PDE3A: variants seen among roughly 807,000 people sequenced by gnomAD.
The protein encoded by PDE3A is cGMP-inhibited 3',5'-cyclic phosphodiesterase 3A.
PDE3A carries 43 observed loss-of-function variants against 98.3 expected under a neutral mutation model. The observed-to-expected ratio is 0.44, with a 90% CI of 0.34 to 0.56. The LOEUF is 0.56. PDE3A is among the 20% of genes least tolerant of loss of function. PDE3A has a pLI of 0.01. For synonymous variants in PDE3A, 663 were observed against 567.9 expected, an observed-to-expected ratio of 1.17 and a Z score of -2.38; for missense variants, 1,427 against 1,440.7, an observed-to-expected ratio of 0.99 and a Z score of 0.15.
intron 1 of PDE3A, among the ~76,000 whole-genome samples, chr12:20,505,056 A>C (rs574169377): frequency 1.3e-5 from 2 of 152,214 alleles, no homozygotes; most frequent in Admixed American, 1.3e-4. Context: ...AGCAAATACA[A>C]GTGCTTAGGC....
chr12:20,448,405 C>T (rs561082645), intron 1 of PDE3A, among the ~76,000 whole-genome samples: 35 of 152,252 alleles, frequency 2.3e-4, no homozygotes, highest in Admixed American at 9.2e-4. Flanking sequence ...CGCGTCAATG[C>T]ACAACAGCCT....
chr12:20,620,757 A>G (rs1048386373), intron 4 of PDE3A, among the ~76,000 whole-genome samples: 2 of 151,936 alleles, frequency 1.3e-5, no homozygotes, highest in African/African-American at 4.8e-5. Context: ...GTCCCTTTTT[A>G]CAAATTCCCT....
intron 15 of PDE3A, among the ~76,000 whole-genome samples, chr12:20,656,977 G>T (rs1248113465): frequency 6.6e-6 from 1 of 152,198 alleles, no homozygotes; most frequent in Non-Finnish European, 1.5e-5. Context: ...GTTCACTAAA[G>T]CAGGAATGAG....
intron 1 of PDE3A, among the ~76,000 whole-genome samples, chr12:20,494,519 G>A (rs779190072): frequency 2.6e-5 from 4 of 151,950 alleles, no homozygotes; most frequent in Admixed American, 6.6e-5. Context: ...TATCTCGTGA[G>A]TGTTATGTAT....
Position 20,369,043 on chromosome 12 carries a change from A to G in PDE3A, c.-242A>G, listed in dbSNP as rs1349727582. ...TCGTTTCTGCCCGTGCTTGTTTTCA[A>G]CTTGAGCGTGCTAGCCTTTAACTTG... On this transcript the variant is annotated 5_prime_UTR_variant, in exon 1 of 16. Coordinates refer to ENST00000359062, the MANE Select transcript of PDE3A (RefSeq NM_000921.5). 1.3e-5 allele frequency among the ~76,000 whole-genome samples: 2 copies of G among 152,188 alleles called. No individual in the cohort carries two copies. Among genetic ancestry groups the G allele is most frequent in the African/African-American group, 4.8e-5 (2 of 41,454 alleles).
intron 1 of PDE3A, among the ~76,000 whole-genome samples, chr12:20,445,719 T>G (rs1944942571): frequency 6.6e-6 from 1 of 152,192 alleles, no homozygotes; most frequent in South Asian, 2.1e-4. Context: ...ACTGTGTTGT[T>G]TATTGTTTCT....
At position 20,663,071 on chromosome 12, in the gene PDE3A, G is replaced by T. The variant is rs116512123; in HGVS notation, c.3184+8866G>T. On this transcript the variant is annotated intron_variant, in intron 15 of 15. Transcript: ENST00000359062. The stretch of plus-strand genomic sequence containing the variant: ...AGAAAGGGGCCAATGTACAGCTCAG[G>T]TTGTGGCTTCAGAGGGTGCAAGCCC... Among the ~76,000 whole-genome samples, 187 of 152,322 alleles carry T rather than the reference G, an allele frequency of 1.2e-3. 1 individual carries two copies. Among genetic ancestry groups the T allele is most frequent in the African/African-American group, 4.4e-3 (181 of 41,574 alleles).
rs182650245 is a variant in PDE3A, at chr12:20,589,374, A to T, written c.1012-24069A>T. On this transcript the variant is annotated intron_variant, in intron 2 of 15. Coordinates refer to ENST00000359062, the MANE Select transcript of PDE3A (RefSeq NM_000921.5). ...ATGGTTGCTGTAAATTATATTGTTC[A>T]TGGTAAGTAAATTGACATATTAAGG... Among the ~76,000 whole-genome samples, 5 of 152,318 alleles carry T rather than the reference A, an allele frequency of 3.3e-5. No homozygotes were observed. In the East Asian group the frequency reaches 9.6e-4, roughly 29 times the overall value.
Position 20,684,887 on chromosome 12 carries a change from G to A in PDE3A, c.*4616G>A, listed in dbSNP as rs536589610. Among the ~76,000 whole-genome samples the A allele has an allele frequency of 3.0e-4, 46 of 152,116 alleles. No individual in the cohort carries two copies. The highest frequency in any genetic ancestry group is 5.2e-4 in the Admixed American group (8 of 15,296). ...ATAACTTAAATTGAGATTTGCATAC[G>A]TATTTGTGTGTTTCACACCAAAGAC... On this transcript the variant is annotated 3_prime_UTR_variant, in exon 16 of 16. Transcript: ENST00000359062.
At chr12:20,483,564 TAGAG>T (rs1339140840) in intron 1 of PDE3A, among the ~76,000 whole-genome samples, 9 of 152,196 alleles carry the variant, frequency 5.9e-5, no homozygotes, top group South Asian at 2.1e-4. Context: ...CTTTTTAATA[TAGAG>T]AGATACTTTT....
At chr12:20,411,165 T>C (rs1285844558) in intron 1 of PDE3A, among the ~76,000 whole-genome samples, 2 of 152,204 alleles carry the variant, frequency 1.3e-5, no homozygotes, top group Admixed American at 6.5e-5. Context: ...TTTACCATCT[T>C]GGTCATTTTT....
intron 5 of PDE3A, among the ~76,000 whole-genome samples, chr12:20,623,954 A>T (rs1208163871): frequency 7.9e-5 from 12 of 152,136 alleles, no homozygotes; most frequent in Non-Finnish European, 1.8e-4. Context: ...CAGATTTGTG[A>T]ATAGTTTTTA....
Position 20,521,521 on chromosome 12 carries a change from A to G in PDE3A, c.961-35139A>G, listed in dbSNP as rs537837219. On this transcript the variant is annotated intron_variant, in intron 1 of 15. Transcript: ENST00000359062. The stretch of plus-strand genomic sequence containing the variant: ...GTGATTGGTAATGCCCAGATTTCCA[A>G]TTTGATACACAGTCCATTTTAAAAA... 1.1e-4 allele frequency among the ~76,000 whole-genome samples: 16 copies of G among 152,292 alleles called. No homozygotes were observed. In the East Asian group the frequency reaches 2.3e-3, roughly 22 times the overall value.
intron 15 of PDE3A, among the ~76,000 whole-genome samples, chr12:20,660,956 G>C (rs532889977): frequency 6.6e-5 from 10 of 152,286 alleles, no homozygotes; most frequent in African/African-American, 2.2e-4. Flanking sequence ...GGTTGGAACA[G>C]TTTGGAGGGC....
At chr12:20,525,741 G>A (rs1352939462) in intron 1 of PDE3A, among the ~76,000 whole-genome samples, 1 of 152,100 alleles carries the variant, frequency 6.6e-6, no homozygotes, top group Non-Finnish European at 1.5e-5. Flanking sequence ...TTTTTGGGGG[G>A]TTTAGTCTGT....
intron 9 of PDE3A, among the ~76,000 whole-genome samples, chr12:20,639,059 C>G (rs1374522831): frequency 6.6e-6 from 1 of 152,048 alleles, no homozygotes. Context: ...TCTTCAAGTT[C>G]TCCAAATGAG....
intron 1 of PDE3A, among the ~76,000 whole-genome samples, chr12:20,521,251 A>G (rs1223309664): frequency 6.6e-6 from 1 of 151,952 alleles, no homozygotes; most frequent in Non-Finnish European, 1.5e-5. Flanking sequence ...ATTTATACAC[A>G]TCTTTTGGAG....
At chr12:20,470,714 G>T (rs896132348) in intron 1 of PDE3A, among the ~76,000 whole-genome samples, 11 of 152,084 alleles carry the variant, frequency 7.2e-5, no homozygotes, top group African/African-American at 2.7e-4. Context: ...TCTTGAATAA[G>T]CATCAAAATC....
chr12:20,649,659 C>T (rs1944869148), intron 13 of PDE3A, among the ~76,000 whole-genome samples: 2 of 152,264 alleles, frequency 1.3e-5, no homozygotes, highest in Admixed American at 6.5e-5. Context: ...AGCACAATGG[C>T]TCACGCCTAT....
Sources: allele counts gnomAD v4.1 joint callset (sites outside exome capture counted in the v4.1 genomes callset), GRCh38; gene constraint gnomAD v4.1.1; transcripts MANE v1.5; gene names NCBI Gene and HGNC (gene_info 2026-07-23, HGNC 2026-07-21).